The following ZFAND5 variants were observed in gnomAD, a reference collection of about 807,000 sequenced individuals.
ZFAND5 encodes AN1-type zinc finger protein 5.
Under a neutral mutation model 23.6 loss-of-function variants are expected in ZFAND5, and 4 were observed. The observed-to-expected ratio is 0.17, with a 90% confidence interval of 0.08 to 0.39. The LOEUF (loss-of-function observed/expected upper bound fraction) is 0.39. Ranked by LOEUF, ZFAND5 falls within the 10% of genes least tolerant of loss-of-function variation. The pLI is 1.00. For missense variants in ZFAND5, 161 were observed against 253.7 expected, an observed-to-expected ratio of 0.63 and a Z score of 2.48; for synonymous variants, 68 against 80.6, an observed-to-expected ratio of 0.84 and a Z score of 0.84.
intron 4 of ZFAND5, 65 bp from the exon 5 acceptor site, chr9:72,359,586 T>C (rs1026369370): frequency 6.4e-6 from 9 of 1,401,616 alleles, no homozygotes; most frequent in Admixed American, 2.1e-5. Flanking sequence ...AATGAATAAG[T>C]TGTCAGTTCA....
At chr9:72,357,124 G>C (rs748371793) in intron 5 of ZFAND5, 68 bp from the exon 6 acceptor site, 177 of 1,562,226 alleles carry the variant, frequency 1.1e-4, no homozygotes, top group Non-Finnish European at 1.5e-4. Context: ...AAAAAAGGAA[G>C]TATTTAAGAG....
At position 72,353,216 on chromosome 9, in the gene ZFAND5, T is replaced by A. The variant is rs1490631270; in HGVS notation, c.*2737A>T. Reference sequence around the variant, plus strand: ...TATCTGTACATTTCAAAGGACTTCATGGCCTTGCATTCAGGTTTGAATGCA... The same window carrying A: ...TATCTGTACATTTCAAAGGACTTCAAGGCCTTGCATTCAGGTTTGAATGCA... On this transcript the variant is annotated 3_prime_UTR_variant, in exon 7 of 7. Coordinates refer to ENST00000376962, the MANE Select transcript of ZFAND5 (RefSeq NM_001102420.3). The A allele has an allele frequency of 6.6e-6, 1 of 152,198 alleles. No individual in the cohort carries two copies. The highest frequency in any genetic ancestry group is 1.5e-5 in the Non-Finnish European group (1 of 68,048). The allele number at this position is 152,198 out of a possible 1,614,324, so 9.4% of individuals were successfully genotyped here.
At chr9:72,364,488 C>T in intron 1 of ZFAND5, 1 of 1,281,486 alleles carries the variant, frequency 7.8e-7, no homozygotes. Context: ...CCAGGGACGC[C>T]GGGAGCCAGG....
chr9:72,354,399 T>C lies in ZFAND5; in HGVS notation c.*1554A>G, dbSNP rs1275971938. The C allele has an allele frequency of 1.3e-5, 2 of 152,644 alleles. No individual in the cohort carries two copies. The highest frequency in any genetic ancestry group is 2.9e-5 in the Non-Finnish European group (2 of 68,042). The allele number at this position is 152,644 out of a possible 1,614,324, so 9.5% of individuals were successfully genotyped here. ...TATATAGCCATGTAAAGTAACATTT[T>C]CTAATTTTCCCCCTTTAGGACTCCA... On this transcript the variant is annotated 3_prime_UTR_variant, in exon 7 of 7. Coordinates refer to ENST00000376962, the MANE Select transcript of ZFAND5 (RefSeq NM_001102420.3).
intron 1 of ZFAND5, 191 bp downstream of exon 1, chr9:72,364,505 G>T: frequency 7.8e-7 from 1 of 1,281,234 alleles, no homozygotes; most frequent in Non-Finnish European, 1.0e-6. Flanking sequence ...CAGGTCTCGG[G>T]CCACGACGAC....
intron 2 of ZFAND5, among the ~76,000 whole-genome samples, chr9:72,362,670 G>C: frequency 6.6e-6 from 1 of 152,156 alleles, no homozygotes; most frequent in Non-Finnish European, 1.5e-5. Flanking sequence ...TCAACTGCGA[G>C]ACACACAAGA....
chr9:72,364,486 G>A, intron 1 of ZFAND5: 1 of 1,280,830 alleles, frequency 7.8e-7, no homozygotes. Flanking sequence ...AGCCAGGGAC[G>A]CCGGGAGCCA....
chr9:72,355,046 TTTA>T lies in ZFAND5; in HGVS notation c.*904_*906del, dbSNP rs1841901281. The T allele has an allele frequency of 6.6e-6, 1 of 152,624 alleles. No individual in the cohort carries two copies. Among genetic ancestry groups the T allele is most frequent in the African/African-American group, 2.4e-5 (1 of 41,444 alleles). 9.5% of individuals were successfully genotyped at this position (152,624 alleles called of 1,614,324 possible). A position where few individuals can be genotyped will look rare whatever the true frequency, so the allele number is the denominator to read the frequency against. ...TAAGAACTGAAGTCTTTTAAAAAGC[TTTA>T]AACATTCTTTCTTGAACCAAAACAT... On this transcript the variant is annotated 3_prime_UTR_variant, in exon 7 of 7. Coordinates refer to ENST00000376962, the MANE Select transcript of ZFAND5 (RefSeq NM_001102420.3).
chr9:72,356,881 CCTT>C (rs1349902178), intron 6 of ZFAND5, 47 bp downstream of exon 6: 1 of 1,603,540 alleles, frequency 6.2e-7, no homozygotes, highest in South Asian at 1.1e-5. Flanking sequence ...ACCAAAAGCT[CCTT>C]GTTAACTGCA....
intron 5 of ZFAND5, among the ~76,000 whole-genome samples, chr9:72,359,098 T>C (rs1842023029): frequency 6.6e-6 from 1 of 152,178 alleles, no homozygotes; most frequent in Non-Finnish European, 1.5e-5. Context: ...CTTTTGGTTA[T>C]AAAATTATTC....
intron 5 of ZFAND5, 57 bp from the exon 6 acceptor site, chr9:72,357,113 CAAAA>C: frequency 6.4e-7 from 1 of 1,572,262 alleles, no homozygotes; most frequent in South Asian, 1.2e-5. Flanking sequence ...ATTTTTAAGT[CAAAA>C]AAGGAAGTAT....
At chr9:72,364,556 C>T (rs548275885) in intron 1 of ZFAND5, 140 bp downstream of exon 1, 2 of 1,270,580 alleles carry the variant, frequency 1.6e-6, no homozygotes, top group Admixed American at 2.4e-5. Flanking sequence ...GGCTGGCGGG[C>T]GGGCTCCCCT....
rs1221207618 is a variant in ZFAND5, at chr9:72,363,209, T to C, written c.-10+261A>G. Reference sequence around the variant, plus strand: ...CATTAGGTATTGCATTCCCCTTGTATTTTAGAAAAAAATACCATTACTATT... The same window carrying C: ...CATTAGGTATTGCATTCCCCTTGTACTTTAGAAAAAAATACCATTACTATT... On this transcript the variant is annotated intron_variant, in intron 2 of 6. Transcript: ENST00000376962. 7.2e-5 allele frequency among the ~76,000 whole-genome samples: 11 copies of C among 152,274 alleles called. No individual in the cohort carries two copies. The East Asian group carries it at 2.1e-3, about 29-fold the overall frequency.
rs918089583 is a variant in ZFAND5 at position 72,353,134 on chromosome 9, G to C, written c.*2819C>G. On this transcript the variant is annotated 3_prime_UTR_variant, in exon 7 of 7. Coordinates refer to ENST00000376962, the MANE Select transcript of ZFAND5 (RefSeq NM_001102420.3). Reference sequence around the variant, plus strand: ...CCTAACAAAACTTCAGGTCATGGGGGTGTAAATATTTGTCTGCTTATGTAA... The same window carrying C: ...CCTAACAAAACTTCAGGTCATGGGGCTGTAAATATTTGTCTGCTTATGTAA... The C allele has an allele frequency of 3.3e-5, 5 of 152,184 alleles. No individual in the cohort carries two copies. Among genetic ancestry groups the C allele is most frequent in the African/African-American group, 1.2e-4 (5 of 41,430 alleles). The allele number at this position is 152,184 out of a possible 1,614,324, so 9.4% of individuals were successfully genotyped here.
intron 5 of ZFAND5, 105 bp downstream of exon 5, chr9:72,359,313 T>C: frequency 9.4e-7 from 1 of 1,068,882 alleles, no homozygotes; most frequent in South Asian, 1.6e-5. Flanking sequence ...ATTTTATGGC[T>C]CTCCCTCCTC....
chr9:72,364,274 C>T (rs919127191), intron 1 of ZFAND5: 2 of 535,834 alleles, frequency 3.7e-6, no homozygotes, highest in Non-Finnish European at 5.3e-6. Context: ...CCCCGACCCC[C>T]GACCCCCGAC....
chr9:72,363,010 G>GT (rs1842149302), intron 2 of ZFAND5, among the ~76,000 whole-genome samples: 1 of 152,108 alleles, frequency 6.6e-6, no homozygotes, highest in Admixed American at 6.6e-5. Flanking sequence ...AGGGCTGCTA[G>GT]TTTTTTCCTA....
At position 72,354,049 on chromosome 9, in the gene ZFAND5, T is replaced by C. The variant is rs1362473801; in HGVS notation, c.*1904A>G. 6.6e-6 allele frequency: 1 copy of C among 152,196 alleles called. No homozygotes were observed. Among genetic ancestry groups the C allele is most frequent in the Non-Finnish European group, 1.5e-5 (1 of 68,032 alleles). The allele number at this position is 152,196 out of a possible 1,614,324, so 9.4% of individuals were successfully genotyped here. Reference sequence around the variant, plus strand: ...GTTCTTTATGATCTGGCATAAACGCTACAGAGACCAAGTCCATGGGTGAAT... The same window carrying C: ...GTTCTTTATGATCTGGCATAAACGCCACAGAGACCAAGTCCATGGGTGAAT... On this transcript the variant is annotated 3_prime_UTR_variant, in exon 7 of 7. Transcript: ENST00000376962.
intron 3 of ZFAND5, 73 bp downstream of exon 3, chr9:72,360,555 C>T: frequency 1.3e-6 from 2 of 1,595,526 alleles, no homozygotes; most frequent in Non-Finnish European, 1.7e-6. Flanking sequence ...TCAGCATTCT[C>T]AGCCCCAATT....
Sources: allele counts gnomAD v4.1 joint callset (sites outside exome capture counted in the v4.1 genomes callset), GRCh38; gene constraint gnomAD v4.1.1; transcripts MANE v1.5; gene names NCBI Gene and HGNC (gene_info 2026-07-23, HGNC 2026-07-21).